The following ADGRG6 variants were observed in gnomAD, a reference collection of about 807,000 sequenced individuals.
ADGRG6 encodes G-protein coupled receptor 126.
Under a neutral mutation model 142.4 loss-of-function variants are expected in ADGRG6, and 84 were observed. That is an observed-to-expected ratio of 0.59 (90% confidence interval 0.49 to 0.71). ADGRG6 has a LOEUF of 0.71. Ranked by LOEUF, ADGRG6 falls within the 30% of genes least tolerant of loss-of-function variation. ADGRG6 has a pLI of 0.00. For synonymous variants in ADGRG6, 521 were observed against 520.5 expected (o/e 1.00, Z -0.01); for missense variants, 1,367 against 1,466.6 (o/e 0.93, Z 1.11).
intron 10 of ADGRG6, among the ~76,000 whole-genome samples, chr6:142,398,424 CA>C (rs1263852318): frequency 6.6e-6 from 1 of 151,932 alleles, no homozygotes; most frequent in African/African-American, 2.4e-5. Flanking sequence ...GACCCTGTCT[CA>C]AAAAAACAAA....
rs144043328 is a variant in ADGRG6 at position 142,399,124 on chromosome 6, G to A, written c.1568-1361G>A. 3.0e-4 allele frequency among the ~76,000 whole-genome samples: 46 copies of A among 152,248 alleles called. No individual in the cohort carries two copies. In the East Asian group the frequency reaches 8.7e-3, roughly 29 times the overall value. On this transcript the variant is annotated intron_variant, in intron 10 of 24. Transcript: ENST00000367609. ...TATACTGTGATTAGGTACATTAGTAGAGATCAAAAGAAAAGAAAACTTTGA... is the reference window on the plus strand; with the variant it reads ...TATACTGTGATTAGGTACATTAGTAAAGATCAAAAGAAAAGAAAACTTTGA...
intron 2 of ADGRG6, among the ~76,000 whole-genome samples, chr6:142,340,573 G>A (rs1243060990): frequency 6.6e-6 from 1 of 152,082 alleles, no homozygotes; most frequent in Non-Finnish European, 1.5e-5. Context: ...ATTTGGCTGT[G>A]CTAAGAAAAA....
At chr6:142,309,459 A>G in intron 1 of ADGRG6, 85 bp from the exon 2 acceptor site, 1 of 872,296 alleles carries the variant, frequency 1.1e-6, no homozygotes, top group Non-Finnish European at 1.8e-6. Flanking sequence ...TCCAGTCCCT[A>G]CTGGAAACCT....
At chr6:142,389,991 A>G (rs529228107) in intron 6 of ADGRG6, among the ~76,000 whole-genome samples, 16 of 151,900 alleles carry the variant, frequency 1.1e-4, no homozygotes, top group African/African-American at 3.4e-4. Flanking sequence ...AATTAAAAAT[A>G]TGAAGAAACA....
At chr6:142,379,642 C>T (rs933376746) in intron 4 of ADGRG6, among the ~76,000 whole-genome samples, 2 of 152,148 alleles carry the variant, frequency 1.3e-5, no homozygotes, top group African/African-American at 4.8e-5. Flanking sequence ...TGACGGGCGC[C>T]TGTAGTCCCA....
In ADGRG6 at chr6:142,443,912, C is replaced by T. The variant is rs1777872780; in HGVS notation, c.*397C>T. The T allele has an allele frequency of 6.5e-6, 1 of 153,906 alleles. No individual in the cohort carries two copies. The highest frequency in any genetic ancestry group is 1.4e-5 in the Non-Finnish European group (1 of 69,362). The allele number at this position is 153,906 out of a possible 1,614,324, so 9.5% of individuals were successfully genotyped here. ...ATCTGGATATACCCATTTTCTGCAT[C>T]TTCTTTCTCAACAATAAAAAATGTA... On this transcript the variant is annotated 3_prime_UTR_variant, in exon 25 of 25. Transcript: ENST00000367609.
At chr6:142,374,456 A>T (rs965523662) in intron 4 of ADGRG6, among the ~76,000 whole-genome samples, 5 of 152,260 alleles carry the variant, frequency 3.3e-5, no homozygotes, top group Admixed American at 2.0e-4. Context: ...AACAGAATAC[A>T]CTAGGCTACT....
chr6:142,432,623 A>T (rs758453968), intron 22 of ADGRG6, among the ~76,000 whole-genome samples: 32 of 152,208 alleles, frequency 2.1e-4, no homozygotes, highest in Non-Finnish European at 4.3e-4. Flanking sequence ...ATGGTTACTT[A>T]AAAATAGGCA....
At position 142,419,826 on chromosome 6, in the gene ADGRG6, G is replaced by T. The variant is rs570636337; in HGVS notation, c.3041G>T (p.Trp1014Leu). The T allele has an allele frequency of 8.1e-6, 13 of 1,599,856 alleles. No homozygotes were observed. The South Asian group carries it at 1.5e-4, about 18-fold the overall frequency. ...YGKEKGDEFC[W>L]IQDPVIFYVT... ...CTCATTTCTTCTTTTTTAAGCTGTT[G>T]GATTCAAGATCCAGTCATATTTTAT... The change falls in exon 22 of 25, where the codon TGG becomes TTG. Residue 1014 changes from tryptophan (W) to leucine (L), a missense_variant. Coordinates refer to ENST00000367609, the MANE Select transcript of ADGRG6 (RefSeq NM_198569.3).
intron 2 of ADGRG6, among the ~76,000 whole-genome samples, chr6:142,360,786 T>G (rs546691837): frequency 1.8e-4 from 27 of 152,230 alleles, no homozygotes; most frequent in Middle Eastern, 6.8e-3. Flanking sequence ...GCCTCCTGAG[T>G]AGCTGGGATT....
chr6:142,322,741 A>AT (rs1778577856), intron 2 of ADGRG6, among the ~76,000 whole-genome samples: 1 of 152,090 alleles, frequency 6.6e-6, no homozygotes, highest in Non-Finnish European at 1.5e-5. Flanking sequence ...AGCTCACTTC[A>AT]TTTTTTATTG....
chr6:142,397,869 C>A, intron 10 of ADGRG6, 114 bp downstream of exon 10: 2 of 615,238 alleles, frequency 3.3e-6, no homozygotes, highest in South Asian at 3.3e-5. Context: ...AGTTTTTTTT[C>A]TGATGGTGAA....
chr6:142,420,273 A>C (rs1450918466), intron 22 of ADGRG6, among the ~76,000 whole-genome samples, 169 bp downstream of exon 22: 1 of 152,152 alleles, frequency 6.6e-6, no homozygotes. Context: ...GAATAGATAA[A>C]TGAGGTAGAA....
At chr6:142,401,706 T>C (rs77493119) in intron 11 of ADGRG6, among the ~76,000 whole-genome samples, 2,558 of 151,862 alleles carry the variant, frequency 0.017, 77 homozygotes, top group African/African-American at 0.058. Context: ...GAGGAGAGAA[T>C]AAGGAAGGGT....
rs184315632 is a variant in ADGRG6 at position 142,394,389 on chromosome 6, T to C, written c.1424+431T>C. 2.2e-4 allele frequency among the ~76,000 whole-genome samples: 34 copies of C among 152,276 alleles called. 1 individual carries two copies. The East Asian group carries it at 6.6e-3, about 29-fold the overall frequency. ...AGTTAATTTTCTGAAGTCTCCCTTT[T>C]AATATTTATATCAGGATCATGCCTT... On this transcript the variant is annotated intron_variant, in intron 9 of 24. Transcript: ENST00000367609.
rs893957741 is a variant in ADGRG6, at chr6:142,444,717, A to T, written c.*1202A>T. 23 of 152,204 alleles carry T rather than the reference A, an allele frequency of 1.5e-4. No individual in the cohort carries two copies. Among genetic ancestry groups the T allele is most frequent in the African/African-American group, 5.3e-4 (22 of 41,466 alleles). 9.4% of individuals were successfully genotyped at this position (152,204 alleles called of 1,614,324 possible). On this transcript the variant is annotated 3_prime_UTR_variant, in exon 25 of 25. Transcript: ENST00000367609. Reference sequence around the variant, plus strand: ...CTGCATACAAACCTTGCATACTATTATGCAGCTTACCTAACTCTCAGACTA... The same window carrying T: ...CTGCATACAAACCTTGCATACTATTTTGCAGCTTACCTAACTCTCAGACTA...
chr6:142,337,905 G>A (rs1043310777), intron 2 of ADGRG6, among the ~76,000 whole-genome samples: 2 of 150,860 alleles, frequency 1.3e-5, no homozygotes, highest in Non-Finnish European at 2.9e-5. Flanking sequence ...GATATTATCA[G>A]TGAATAATTA....
At chr6:142,341,810 A>G (rs1283843931) in intron 2 of ADGRG6, among the ~76,000 whole-genome samples, 1 of 150,494 alleles carries the variant, frequency 6.6e-6, no homozygotes, top group African/African-American at 2.4e-5. Flanking sequence ...CAGTCACTAT[A>G]TGCTGTCTCA....
At chr6:142,383,591 A>G (rs1167454358) in intron 5 of ADGRG6, among the ~76,000 whole-genome samples, 169 bp from the exon 6 acceptor site, 1 of 152,166 alleles carries the variant, frequency 6.6e-6, no homozygotes, top group Admixed American at 6.5e-5. Context: ...TTAATGTGCC[A>G]TAGAAAGCAT....
Sources: allele counts gnomAD v4.1 joint callset (sites outside exome capture counted in the v4.1 genomes callset), GRCh38; gene constraint gnomAD v4.1.1; transcripts MANE v1.5; gene names NCBI Gene and HGNC (gene_info 2026-07-23, HGNC 2026-07-21).